The following MAN2A1 variants were observed in gnomAD, a reference collection of about 807,000 sequenced individuals.
MAN2A1 encodes alpha-mannosidase 2.
In MAN2A1, 76 loss-of-function variants were observed where a neutral mutation model predicts 142.6. That is an observed-to-expected ratio of 0.53 (90% CI 0.44 to 0.65). The LOEUF (loss-of-function observed/expected upper bound fraction) is 0.65, where lower values mean the gene tolerates loss of function less well. MAN2A1 is among the 30% of genes least tolerant of loss of function. The probability of loss-of-function intolerance (pLI) is 0.00; values close to 1 mark genes in which losing one functional copy is unlikely to be tolerated. For missense variants in MAN2A1, 1,311 were observed against 1,365.1 expected (o/e 0.96, Z 0.62); for synonymous variants, 559 against 473.2 (o/e 1.18, Z -2.35).
chr5:109,848,444 G>A (rs2112765589), intron 19 of MAN2A1, among the ~76,000 whole-genome samples: 1 of 152,232 alleles, frequency 6.6e-6, no homozygotes, highest in South Asian at 2.1e-4. Flanking sequence ...TCTCCTTTCT[G>A]CACCTGACCA....
rs1285631203 is a variant in MAN2A1, at chr5:109,781,519, G to A, written c.1498G>A (p.Asp500Asn). ...SGDFFTYADR[D>N]DHYWSGYFTS... ...AGATTTTTTCACTTATGCCGATCGA[G>A]ATGATCATTACTGGAGTGGCTATTT... Residue 500 changes from aspartate (D) to asparagine (N), a missense_variant, in exon 9 of 22, where the codon GAT becomes AAT. This residue lies in a region of MAN2A1 where 890 missense variants were observed against 920.5 expected (regional missense o/e 0.97). Coordinates refer to ENST00000261483, the MANE Select transcript of MAN2A1 (RefSeq NM_002372.4). The A allele has an allele frequency of 1.2e-6, 2 of 1,613,236 alleles. No individual in the cohort carries two copies. Among genetic ancestry groups the A allele is most frequent in the African/African-American group, 1.3e-5 (1 of 74,878 alleles).
At chr5:109,767,401 G>A in intron 5 of MAN2A1, 134 bp from the exon 6 acceptor site, 1 of 628,066 alleles carries the variant, frequency 1.6e-6, no homozygotes, top group Non-Finnish European at 2.6e-6. Context: ...ACTTGGCAGA[G>A]GATAATGCTG....
intron 4 of MAN2A1, among the ~76,000 whole-genome samples, chr5:109,754,076 C>A (rs977840369): frequency 1.3e-4 from 19 of 151,564 alleles, no homozygotes; most frequent in African/African-American, 4.6e-4. Flanking sequence ...ACCTGGCTAA[C>A]TTTTTAATTT....
intron 12 of MAN2A1, among the ~76,000 whole-genome samples, chr5:109,790,141 C>T (rs1753699515): frequency 2.0e-5 from 3 of 151,640 alleles, no homozygotes; most frequent in Non-Finnish European, 4.4e-5. Flanking sequence ...TTTTAATAAC[C>T]AAATATTTGT....
intron 19 of MAN2A1, among the ~76,000 whole-genome samples, chr5:109,849,454 C>T (rs76525076): frequency 0.058 from 8,840 of 152,236 alleles, 256 homozygotes; most frequent in African/African-American, 0.064. Flanking sequence ...CAACAGCCAC[C>T]GCCATCCATA....
intron 1 of MAN2A1, among the ~76,000 whole-genome samples, chr5:109,697,017 A>G (rs1034024819): frequency 6.6e-6 from 1 of 152,222 alleles, no homozygotes; most frequent in Non-Finnish European, 1.5e-5. Context: ...TTCCAATTGG[A>G]CGTGTGTATT....
chr5:109,825,621 A>G (rs1272945569), intron 16 of MAN2A1, among the ~76,000 whole-genome samples: 1 of 152,152 alleles, frequency 6.6e-6, no homozygotes, highest in East Asian at 1.9e-4. Context: ...CTTGACTTGG[A>G]AATTAATAGG....
intron 4 of MAN2A1, among the ~76,000 whole-genome samples, chr5:109,747,934 T>C (rs1752449340): frequency 6.6e-6 from 1 of 152,174 alleles, no homozygotes; most frequent in Non-Finnish European, 1.5e-5. Flanking sequence ...TTATTTGCTG[T>C]TTTATTATTT....
rs975511444 is a variant in MAN2A1, at chr5:109,716,270, AT to A, written c.535+9del. The A allele has an allele frequency of 1.0e-5, 16 of 1,597,634 alleles. No homozygotes were observed. The African/African-American group carries it at 1.6e-4, about 16-fold the overall frequency. On this transcript the variant is annotated splice_region_variant and intron_variant, in intron 3 of 21. Transcript: ENST00000261483. ...TCATTCCCATAACGACCCAGGTAAA[AT>A]TTGCACTTCAAAAAGACAGGAGGTT...
At chr5:109,767,731 T>C in intron 6 of MAN2A1, 23 bp downstream of exon 6, 1 of 1,597,308 alleles carries the variant, frequency 6.3e-7, no homozygotes, top group Non-Finnish European at 8.5e-7. Context: ...TGATGAAAGT[T>C]GATCCCATTT....
chr5:109,699,834 C>G (rs1582799218), intron 1 of MAN2A1: 2 of 154,070 alleles, frequency 1.3e-5, no homozygotes, highest in East Asian at 3.9e-4. Flanking sequence ...CCCTCACATC[C>G]TATTTGTCAG....
chr5:109,848,029 G>A (rs899711047), intron 19 of MAN2A1, among the ~76,000 whole-genome samples: 2 of 152,092 alleles, frequency 1.3e-5, no homozygotes, highest in Non-Finnish European at 2.9e-5. Context: ...ATAATGACAG[G>A]AAATCACTTT....
At chr5:109,806,116 T>G (rs532054726) in intron 12 of MAN2A1, among the ~76,000 whole-genome samples, 92 of 152,314 alleles carry the variant, frequency 6.0e-4, no homozygotes, top group African/African-American at 2.0e-3. Flanking sequence ...TAGAGCAGTC[T>G]GATAAGGCTC....
chr5:109,736,239 A>C (rs867547345), intron 4 of MAN2A1, among the ~76,000 whole-genome samples: 5 of 152,332 alleles, frequency 3.3e-5, no homozygotes, highest in South Asian at 4.1e-4. Flanking sequence ...AGATCACATC[A>C]GCATTTCTGA....
At chr5:109,737,242 C>T (rs1485717688) in intron 4 of MAN2A1, among the ~76,000 whole-genome samples, 1 of 151,764 alleles carries the variant, frequency 6.6e-6, no homozygotes. Context: ...AAGGCACCTG[C>T]CACCATGCCT....
chr5:109,787,138 T>C (rs968471769), intron 10 of MAN2A1, among the ~76,000 whole-genome samples: 6 of 152,036 alleles, frequency 3.9e-5, no homozygotes, highest in African/African-American at 1.4e-4. Context: ...TAATAGATAA[T>C]GTGGCTTATG....
At chr5:109,815,622 G>A (rs1754435581) in intron 12 of MAN2A1, among the ~76,000 whole-genome samples, 1 of 152,104 alleles carries the variant, frequency 6.6e-6, no homozygotes, top group Non-Finnish European at 1.5e-5. Flanking sequence ...CTAGTGTCAT[G>A]GATTTTGTGT....
rs1753242664 is a variant in MAN2A1 at position 109,774,898 on chromosome 5, A to T, written c.1307A>T (p.Asp436Val). The T allele has an allele frequency of 6.2e-7, 1 of 1,612,198 alleles. No homozygotes were observed. The highest frequency in any genetic ancestry group is 1.3e-5 in the African/African-American group (1 of 74,784). The change falls in exon 8 of 22, where the codon GAT becomes GTT. Residue 436 changes from aspartate (D) to valine (V), a missense_variant. Coordinates refer to ENST00000261483, the MANE Select transcript of MAN2A1 (RefSeq NM_002372.4). ...CGCTACTGTGAATACACGGAATGGG[A>T]TTTACAGTTTAAGAATTATCAGCAG... Reference protein sequence around the residue: ...DFRYCEYTEWDLQFKNYQQLF... With the variant: ...DFRYCEYTEWVLQFKNYQQLF...
chr5:109,832,624 TC>T (rs1038605415), intron 16 of MAN2A1, among the ~76,000 whole-genome samples: 4 of 151,940 alleles, frequency 2.6e-5, no homozygotes, highest in Non-Finnish European at 4.4e-5. Context: ...TCCCCACACG[TC>T]CCCCCCTTCC....
Sources: gnomAD v4.1 joint callset for allele counts (sites outside exome capture counted in the v4.1 genomes callset) on GRCh38, gnomAD v4.1.1 for gene constraint, gnomAD v4.1.1 regional missense constraint, MANE v1.5 for transcripts, NCBI Gene and HGNC (gene_info 2026-07-23, HGNC 2026-07-21) for gene names.